The following VPS13B variants were observed in gnomAD, a reference collection of about 807,000 sequenced individuals.
VPS13B encodes vacuolar protein sorting 13 homolog B, also known as intermembrane lipid transfer protein VPS13B.
VPS13B carries 285 observed loss-of-function variants against 426.4 expected under a neutral mutation model. The observed-to-expected ratio is 0.67, with a 90% CI of 0.61 to 0.74. VPS13B has a LOEUF of 0.74. Among genes scored for constraint, VPS13B ranks in the 30% least tolerant of loss-of-function variants. VPS13B has a pLI of 0.00. For synonymous variants in VPS13B, 1,676 were observed against 1,676.4 expected (o/e 1.00, Z 0.01); for missense variants, 4,537 against 4,782.6 (o/e 0.95, Z 1.51).
chr8:99,091,446 T>G (rs973349920), intron 3 of VPS13B, among the ~76,000 whole-genome samples: 2 of 152,186 alleles, frequency 1.3e-5, no homozygotes, highest in East Asian at 1.9e-4. Context: ...CCACCCTTGA[T>G]AGAAGATGGA....
intron 17 of VPS13B, among the ~76,000 whole-genome samples, chr8:99,206,696 G>A (rs1250187939): frequency 6.6e-6 from 1 of 152,134 alleles, no homozygotes; most frequent in Admixed American, 6.5e-5. Context: ...CCACATCACT[G>A]TAACTGAATA....
chr8:99,224,375 A>G (rs1815897734), intron 17 of VPS13B, among the ~76,000 whole-genome samples: 1 of 152,170 alleles, frequency 6.6e-6, no homozygotes. Flanking sequence ...CATTTACCTC[A>G]TATTTTCCAA....
At chr8:99,870,728 C>A in intron 59 of VPS13B, 57 bp from the exon 60 acceptor site, 1 of 1,507,752 alleles carries the variant, frequency 6.6e-7, no homozygotes, top group Non-Finnish European at 9.2e-7. Flanking sequence ...ATCATTGCAG[C>A]ATGAAACTGT....
At chr8:99,303,526 TAAC>T (rs1349326936) in intron 19 of VPS13B, among the ~76,000 whole-genome samples, 1 of 151,278 alleles carries the variant, frequency 6.6e-6, no homozygotes, top group Non-Finnish European at 1.5e-5. Context: ...ATTCCAGTAG[TAAC>T]AAGATTTTGA....
intron 19 of VPS13B, among the ~76,000 whole-genome samples, chr8:99,294,613 A>T (rs1184294083): frequency 6.6e-6 from 1 of 152,156 alleles, no homozygotes; most frequent in African/African-American, 2.4e-5. Context: ...CTAAGACAAG[A>T]TCCCTGTTAT....
intron 35 of VPS13B, chr8:99,696,696 G>A (rs1466447981): frequency 1.0e-5 from 8 of 797,472 alleles, no homozygotes; most frequent in African/African-American, 1.7e-5. Context: ...AGCAGCCAAG[G>A]GCAGTGCCAC....
intron 17 of VPS13B, chr8:99,233,526 G>A: frequency 8.5e-7 from 1 of 1,171,986 alleles, no homozygotes; most frequent in Admixed American, 1.7e-5. Context: ...GCGGGAACGG[G>A]CCAAACTGGT....
chr8:99,691,048 A>T (rs1311391266), intron 35 of VPS13B, among the ~76,000 whole-genome samples: 2 of 152,242 alleles, frequency 1.3e-5, no homozygotes, highest in Admixed American at 1.3e-4. Flanking sequence ...TGAAGTATTG[A>T]TACATGTTTC....
intron 39 of VPS13B, among the ~76,000 whole-genome samples, chr8:99,764,921 C>G (rs898443694): frequency 1.3e-5 from 2 of 151,934 alleles, no homozygotes; most frequent in African/African-American, 4.8e-5. Context: ...CTCTGTAAAA[C>G]AAATTCTTAG....
intron 17 of VPS13B, among the ~76,000 whole-genome samples, chr8:99,242,665 T>G (rs1309408030): frequency 2.6e-5 from 4 of 152,202 alleles, no homozygotes; most frequent in African/African-American, 9.6e-5. Context: ...TCTAGATATA[T>G]TGATTCTTCT....
chr8:99,593,496 T>TG (rs1425064267), intron 33 of VPS13B, among the ~76,000 whole-genome samples: 2 of 152,136 alleles, frequency 1.3e-5, no homozygotes, highest in African/African-American at 4.8e-5. Flanking sequence ...TGAGACAGTG[T>TG]GGTGATTCTT....
chr8:99,388,960 C>T (rs991533140), intron 20 of VPS13B, among the ~76,000 whole-genome samples: 2 of 152,090 alleles, frequency 1.3e-5, no homozygotes, highest in Non-Finnish European at 2.9e-5. Context: ...ATCAGCCTGG[C>T]TAAGATGGTG....
intron 39 of VPS13B, among the ~76,000 whole-genome samples, chr8:99,725,470 A>G (rs1027753840): frequency 1.3e-5 from 2 of 152,196 alleles, no homozygotes; most frequent in African/African-American, 4.8e-5. Context: ...ATGAGAATCT[A>G]ACCAATGCCT....
chr8:99,696,494 G>A (rs555549389), intron 35 of VPS13B: 64 of 420,038 alleles, frequency 1.5e-4, no homozygotes, highest in African/African-American at 4.1e-4. Context: ...GCTTGGTGCC[G>A]TTCCTTGTGT....
intron 17 of VPS13B, among the ~76,000 whole-genome samples, chr8:99,246,453 G>T (rs1188935596): frequency 6.6e-6 from 1 of 152,174 alleles, no homozygotes; most frequent in South Asian, 2.1e-4. Flanking sequence ...TGGCTGGTTA[G>T]TTATTATCAA....
chr8:99,652,936 A>G (rs1289441458), intron 34 of VPS13B, among the ~76,000 whole-genome samples: 1 of 152,176 alleles, frequency 6.6e-6, no homozygotes. Flanking sequence ...CTCAGAGAGA[A>G]AGGTGATGAG....
intron 19 of VPS13B, among the ~76,000 whole-genome samples, chr8:99,312,287 G>T (rs1434484681): frequency 1.3e-5 from 2 of 152,274 alleles, no homozygotes; most frequent in South Asian, 4.1e-4. Context: ...AATTTGGCAT[G>T]TTTTTCCAGT....
Position 99,577,832 on chromosome 8 carries a change from A to G in VPS13B, c.5220+199A>G, listed in dbSNP as rs940214325. On this transcript the variant is annotated intron_variant, in intron 33 of 61. Coordinates refer to ENST00000357162, the MANE Select transcript of VPS13B (RefSeq NM_152564.5). ...TTGGTCTCTATTCCTCTTATTTATC[A>G]TGTACCTTTGCAAAATTGCTGTGGA... The G allele has an allele frequency of 9.5e-6, 7 of 739,856 alleles. No individual in the cohort carries two copies. In the African/African-American group the frequency reaches 1.2e-4, roughly 13 times the overall value. 45.8% of individuals were successfully genotyped at this position (739,856 alleles called of 1,614,324 possible). A position where few individuals can be genotyped will look rare whatever the true frequency, so the allele number is the denominator to read the frequency against.
intron 44 of VPS13B, among the ~76,000 whole-genome samples, chr8:99,809,793 C>T (rs1202077322): frequency 6.6e-6 from 1 of 152,156 alleles, no homozygotes; most frequent in Non-Finnish European, 1.5e-5. Flanking sequence ...TCCCTGTCAC[C>T]ACCTACCTTC....
Sources: allele counts gnomAD v4.1 joint callset (sites outside exome capture counted in the v4.1 genomes callset), GRCh38; gene constraint gnomAD v4.1.1; transcripts MANE v1.5; gene names NCBI Gene and HGNC (gene_info 2026-07-23, HGNC 2026-07-21).